FYCO1: variants seen among roughly 807,000 people sequenced by gnomAD.
FYCO1 encodes the protein FYVE and coiled-coil domain autophagy adaptor 1, also known as FYVE and coiled-coil domain-containing protein 1.
In FYCO1, 122 loss-of-function variants were observed where a neutral mutation model predicts 165.1. The observed-to-expected ratio is 0.74, with a 90% CI of 0.64 to 0.86. The LOEUF (loss-of-function observed/expected upper bound fraction) is 0.86, where lower values mean the gene tolerates loss of function less well. FYCO1 is among the 40% of genes least tolerant of loss of function. The pLI, the probability that FYCO1 is intolerant of heterozygous loss-of-function variation, is 0.00. For synonymous variants in FYCO1, 648 were observed against 742.5 expected, an observed-to-expected ratio of 0.87 and a Z score of 2.07; for missense variants, 1,702 against 1,810.3, an observed-to-expected ratio of 0.94 and a Z score of 1.09.
chr3:45,924,662 G>A (rs1024561427), intron 16 of FYCO1, among the ~76,000 whole-genome samples: 6 of 151,936 alleles, frequency 3.9e-5, no homozygotes, highest in Non-Finnish European at 7.4e-5. Flanking sequence ...GCCCAGGCTG[G>A]AGTGCAGTGG....
chr3:45,979,927 A>T, intron 3 of FYCO1, 97 bp from the exon 4 acceptor site: 2 of 1,461,398 alleles, frequency 1.4e-6, no homozygotes, highest in Non-Finnish European at 1.9e-6. Context: ...CTTAGGTGCC[A>T]GCACTGGGTG....
intron 1 of FYCO1, among the ~76,000 whole-genome samples, chr3:45,992,327 A>T (rs1500003): frequency 6.6e-6 from 1 of 151,934 alleles, no homozygotes. Context: ...AGAGAGGCAG[A>T]AGGTGGGGCC....
intron 14 of FYCO1, chr3:45,947,558 C>T: frequency 7.0e-7 from 1 of 1,432,196 alleles, no homozygotes; most frequent in South Asian, 1.2e-5. Context: ...CAAGTCATGG[C>T]TGTGCCCTCT....
chr3:45,950,311 T>A (rs950771630), intron 14 of FYCO1, among the ~76,000 whole-genome samples: 6 of 152,082 alleles, frequency 3.9e-5, no homozygotes, highest in African/African-American at 1.4e-4. Context: ...GCTGCAGTAC[T>A]TATGGGCTCC....
intron 10 of FYCO1, among the ~76,000 whole-genome samples, chr3:45,963,682 T>C (rs1705829216): frequency 6.6e-6 from 1 of 152,238 alleles, no homozygotes; most frequent in Non-Finnish European, 1.5e-5. Context: ...CTGTTACATC[T>C]TTTCTTAATC....
chr3:45,947,193 G>C, intron 14 of FYCO1: 3 of 1,614,130 alleles, frequency 1.9e-6, no homozygotes, highest in Non-Finnish European at 2.5e-6. Context: ...CCTGGTGATG[G>C]CTGTGTTCCT....
At chr3:45,948,027 T>C (rs17078463) in intron 14 of FYCO1, 4,802 of 170,360 alleles carry the variant, frequency 0.028, 144 homozygotes, top group African/African-American at 0.079. Context: ...TTTGTATAGG[T>C]AGATGTTCAG....
chr3:45,982,654 A>G (rs961183202), intron 2 of FYCO1, among the ~76,000 whole-genome samples: 1 of 152,222 alleles, frequency 6.6e-6, no homozygotes, highest in African/African-American at 2.4e-5. Flanking sequence ...GCTTCACAAA[A>G]CTATCTGCTT....
chr3:45,975,411 CAT>C (rs1399482739), intron 4 of FYCO1, 66 bp from the exon 5 acceptor site: 1 of 1,226,068 alleles, frequency 8.2e-7, no homozygotes, highest in Non-Finnish European at 1.2e-6. Flanking sequence ...GACCTGGTCT[CAT>C]AGATGGCTTG....
At chr3:45,979,954 T>C in intron 3 of FYCO1, 124 bp from the exon 4 acceptor site, 3 of 1,183,946 alleles carry the variant, frequency 2.5e-6, no homozygotes, top group Non-Finnish European at 3.7e-6. Flanking sequence ...TTTATTGGCA[T>C]TATTTTTATT....
chr3:45,940,051 T>C (rs143267400), intron 14 of FYCO1, among the ~76,000 whole-genome samples: 509 of 152,364 alleles, frequency 3.3e-3, no homozygotes, highest in African/African-American at 0.012. Flanking sequence ...TCATATTCAC[T>C]CTGTGATCTG....
intron 15 of FYCO1, among the ~76,000 whole-genome samples, chr3:45,932,896 T>C (rs961082936): frequency 1.3e-5 from 2 of 152,222 alleles, no homozygotes; most frequent in Non-Finnish European, 2.9e-5. Flanking sequence ...ACATCTTTCT[T>C]GTAATGTGGA....
intron 2 of FYCO1, among the ~76,000 whole-genome samples, chr3:45,981,897 C>T (rs546189214): frequency 6.6e-6 from 1 of 152,220 alleles, no homozygotes; most frequent in South Asian, 2.1e-4. Flanking sequence ...TGACTGGGCA[C>T]ATTTCTTGTT....
intron 14 of FYCO1, among the ~76,000 whole-genome samples, chr3:45,949,955 G>A (rs1436191046): frequency 2.6e-5 from 4 of 152,172 alleles, no homozygotes; most frequent in Middle Eastern, 3.2e-3. Context: ...GGGAATAAAC[G>A]CGGGCACAGC....
In FYCO1 at chr3:45,964,853, G is replaced by A. The variant is rs1402074599; in HGVS notation, c.3150+180C>T. ...TTTCCTTTCTGCATTTGGCAGCTCC[G>A]GCCAGGTGTCCAGGGAATGGATGGA... is the stretch of plus-strand genomic sequence containing the variant. On this transcript the variant is annotated intron_variant, in intron 9 of 17. Transcript: ENST00000296137. This position sits in a 1 kb window ranked among gnomAD's most constrained non-coding sequence, Gnocchi z 4.1. 1.3e-5 allele frequency among the ~76,000 whole-genome samples: 2 copies of A among 152,214 alleles called. No individual in the cohort carries two copies. Among genetic ancestry groups the A allele is most frequent in the Admixed American group, 6.5e-5 (1 of 15,280 alleles).
intron 1 of FYCO1, among the ~76,000 whole-genome samples, chr3:45,985,438 C>T (rs752382921): frequency 5.9e-5 from 9 of 152,210 alleles, no homozygotes; most frequent in Non-Finnish European, 1.2e-4. Flanking sequence ...CTCCCCCACA[C>T]CTGGCCCCAC....
At chr3:45,923,847 G>C (rs1703201567) in intron 16 of FYCO1, 82 bp from the exon 17 acceptor site, 1 of 939,806 alleles carries the variant, frequency 1.1e-6, no homozygotes. Context: ...CTTTATTTTG[G>C]GGTAGGAGGC....
rs1706015366 is a variant in FYCO1 at position 45,966,376 on chromosome 3, C to T, written c.2958G>A (p.Glu986=). 2 of 1,614,160 alleles carry T rather than the reference C, an allele frequency of 1.2e-6. No homozygotes were observed. The highest frequency in any genetic ancestry group is 1.1e-5 in the South Asian group (1 of 91,088). ...PGLQAQLAQA[E]QRAQSLQEAA... ...CCTCTTGGAGGCTCTGGGCCCGCTGCTCTGCCTGGGCGAGCTGGGCCTGCA... is the reference window on the plus strand; with the variant it reads ...CCTCTTGGAGGCTCTGGGCCCGCTGTTCTGCCTGGGCGAGCTGGGCCTGCA... The change falls in exon 8 of 18, where the codon GAG becomes GAA. Residue 986 remains glutamate, a synonymous_variant. Coordinates refer to ENST00000296137, the MANE Select transcript of FYCO1 (RefSeq NM_024513.4).
At chr3:45,979,974 A>C in intron 3 of FYCO1, 144 bp from the exon 4 acceptor site, 1 of 1,043,178 alleles carries the variant, frequency 9.6e-7, no homozygotes, top group Non-Finnish European at 1.4e-6. Flanking sequence ...TTATTGGCAA[A>C]TCAAGGTGTG....
Sources: allele counts gnomAD v4.1 joint callset (sites outside exome capture counted in the v4.1 genomes callset), GRCh38; gene constraint gnomAD v4.1.1; non-coding constraint Gnocchi (gnomAD v3.1); transcripts MANE v1.5; gene names NCBI Gene and HGNC (gene_info 2026-07-23, HGNC 2026-07-21).